Variants in PREX1 observed in about 807,000 individuals in gnomAD.
PREX1 encodes the protein phosphatidylinositol-3,4,5-trisphosphate dependent Rac exchange factor 1, also known as phosphatidylinositol 3,4,5-trisphosphate-dependent Rac exchanger 1 protein.
In PREX1, 41 loss-of-function variants were observed where a neutral mutation model predicts 198.3. That is an observed-to-expected ratio of 0.21 (90% CI 0.16 to 0.27). The LOEUF (loss-of-function observed/expected upper bound fraction) is 0.27, where lower values mean the gene tolerates loss of function less well. PREX1 is among the 10% of genes least tolerant of loss of function. The probability of loss-of-function intolerance (pLI) is 1.00; values close to 1 mark genes in which losing one functional copy is unlikely to be tolerated. For synonymous variants in PREX1, 843 were observed against 887.2 expected (o/e 0.95, Z 0.89); for missense variants, 1,620 against 2,200.7 (o/e 0.74, Z 5.28).
chr20:48,881,969 A>C, the PREX1 span, among the ~76,000 whole-genome samples: 1 of 129,760 alleles, frequency 7.7e-6, no homozygotes. Flanking sequence ...GTCTCTATGC[A>C]CTCCCCTATT....
At chr20:48,647,696 C>A (rs1457058183) in intron 25 of PREX1, among the ~76,000 whole-genome samples, 1 of 152,128 alleles carries the variant, frequency 6.6e-6, no homozygotes, top group Non-Finnish European at 1.5e-5. Flanking sequence ...TAAGTTTGCA[C>A]AGTGGATAAG....
chr20:48,705,013 A>T (rs957560380), intron 6 of PREX1, among the ~76,000 whole-genome samples: 4 of 152,230 alleles, frequency 2.6e-5, no homozygotes, highest in Non-Finnish European at 4.4e-5. Flanking sequence ...TCCATCTAAA[A>T]AAATAAATAA....
At chr20:48,730,490 G>C (rs2090030430) in intron 4 of PREX1, among the ~76,000 whole-genome samples, 1 of 151,566 alleles carries the variant, frequency 6.6e-6, no homozygotes, top group Non-Finnish European at 1.5e-5. Context: ...TGCTAGAATA[G>C]GAAAAACTAA....
chr20:48,639,070 C>T (rs551103753), intron 30 of PREX1, among the ~76,000 whole-genome samples: 71 of 152,358 alleles, frequency 4.7e-4, no homozygotes, highest in South Asian at 8.3e-4. Flanking sequence ...ATCCTTCTAA[C>T]GCAGGAGTCT....
At chr20:48,752,761 A>G (rs1883743) in intron 1 of PREX1, among the ~76,000 whole-genome samples, 53,821 of 151,986 alleles carry the variant, frequency 0.35, 10,411 homozygotes, top group Non-Finnish European at 0.43. Flanking sequence ...TGACCTCCCA[A>G]GTATGCTACT....
intron 25 of PREX1, among the ~76,000 whole-genome samples, chr20:48,648,094 A>G (rs2089464632): frequency 6.6e-6 from 1 of 151,768 alleles, no homozygotes; most frequent in African/African-American, 2.4e-5. Flanking sequence ...TTTTATAGAG[A>G]TAGGGTTTCA....
At chr20:48,810,285 TA>T (rs1040049610) in intron 1 of PREX1, among the ~76,000 whole-genome samples, 232 of 142,544 alleles carry the variant, frequency 1.6e-3, no homozygotes, top group Non-Finnish European at 2.2e-3. Context: ...ATTCTACAAT[TA>T]AAAAAAAAAA....
intron 14 of PREX1, among the ~76,000 whole-genome samples, chr20:48,667,048 G>C (rs1305456432): frequency 6.6e-6 from 1 of 152,054 alleles, no homozygotes; most frequent in Non-Finnish European, 1.5e-5. Context: ...GGGATGCTCT[G>C]GCAAAAACCC....
the PREX1 span, among the ~76,000 whole-genome samples, chr20:48,862,164 GC>G: frequency 6.6e-6 from 1 of 152,048 alleles, no homozygotes; most frequent in Non-Finnish European, 1.5e-5. Context: ...AGCCGAGACT[GC>G]CCCACTGCAC....
intron 3 of PREX1, among the ~76,000 whole-genome samples, chr20:48,743,462 C>T (rs2090091438): frequency 6.6e-6 from 1 of 152,348 alleles, no homozygotes; most frequent in South Asian, 2.1e-4. Flanking sequence ...TCCACAGCTA[C>T]TCCCCCTCAC....
At chr20:48,669,555 G>T (rs2089661555) in intron 14 of PREX1, among the ~76,000 whole-genome samples, 1 of 152,176 alleles carries the variant, frequency 6.6e-6, no homozygotes, top group Non-Finnish European at 1.5e-5. Flanking sequence ...AAAGTGGAAG[G>T]AAGGGAAGAA....
At chr20:48,849,061 A>G in the PREX1 span, among the ~76,000 whole-genome samples, 9 of 151,208 alleles carry the variant, frequency 6.0e-5, 1 homozygote, top group South Asian at 1.5e-3. Flanking sequence ...GTGCCACTGC[A>G]CTCCAGCCTG....
intron 33 of PREX1, 55 bp downstream of exon 33, chr20:48,634,620 TC>T: frequency 6.4e-7 from 1 of 1,563,482 alleles, no homozygotes; most frequent in Non-Finnish European, 8.8e-7. Context: ...CAGAGAGCTG[TC>T]CCTTCCACCC....
Position 48,774,418 on chromosome 20 carries a change from G to A in PREX1, c.220-26538C>T, listed in dbSNP as rs558757127. ...CACTTCACCTCCCACTTCACATCCA[G>A]TGAGGACAGAGCCCGAGAATGAAGG... On this transcript the variant is annotated intron_variant, in intron 1 of 39. Transcript: ENST00000371941. Among the ~76,000 whole-genome samples the A allele has an allele frequency of 2.0e-5, 3 of 152,336 alleles. No homozygotes were observed. The East Asian group carries it at 5.8e-4, about 29-fold the overall frequency.
At chr20:48,846,375 G>C in the PREX1 span, among the ~76,000 whole-genome samples, 4 of 152,206 alleles carry the variant, frequency 2.6e-5, no homozygotes, top group African/African-American at 7.2e-5. Flanking sequence ...CCTTTCTCCA[G>C]CAGGTTTTTG....
chr20:48,800,328 T>C (rs2090380831), intron 1 of PREX1, among the ~76,000 whole-genome samples: 3 of 152,212 alleles, frequency 2.0e-5, no homozygotes, highest in Non-Finnish European at 2.9e-5. Flanking sequence ...CCCAGTTTAC[T>C]GAGGTCTGAG....
At chr20:48,739,261 C>A (rs1415661180) in intron 3 of PREX1, among the ~76,000 whole-genome samples, 1 of 152,196 alleles carries the variant, frequency 6.6e-6, no homozygotes, top group East Asian at 1.9e-4. Flanking sequence ...CAAGATCATC[C>A]CATTCCAACC....
intron 16 of PREX1, among the ~76,000 whole-genome samples, chr20:48,658,672 C>G (rs1446371494): frequency 6.6e-6 from 1 of 152,200 alleles, no homozygotes; most frequent in Non-Finnish European, 1.5e-5. Context: ...ACAAACAAGC[C>G]CAGCCCTGCT....
chr20:48,739,539 A>T (rs1488081543), intron 3 of PREX1, among the ~76,000 whole-genome samples: 1 of 152,098 alleles, frequency 6.6e-6, no homozygotes, highest in Admixed American at 6.5e-5. Context: ...TCTTTACCAC[A>T]TCTGCATTTT....
Sources: gnomAD v4.1 joint callset for allele counts (sites outside exome capture counted in the v4.1 genomes callset) on GRCh38, gnomAD v4.1.1 for gene constraint, MANE v1.5 for transcripts, NCBI Gene and HGNC (gene_info 2026-07-23, HGNC 2026-07-21) for gene names.